Variants in LRRC49 observed in about 807,000 individuals in gnomAD.
LRRC49 encodes leucine rich repeat containing 49.
A neutral mutation model predicts 83.3 loss-of-function variants in LRRC49; 50 were observed. That is an observed-to-expected ratio of 0.60 (90% CI 0.48 to 0.76). The LOEUF is 0.76. Ranked by LOEUF, LRRC49 falls within the 30% of genes least tolerant of loss-of-function variation. The pLI, the probability that LRRC49 is intolerant of heterozygous loss-of-function variation, is 0.00. For missense variants in LRRC49, 704 were observed against 809.1 expected (o/e 0.87, Z 1.58); for synonymous variants, 286 against 283.3 (o/e 1.01, Z -0.10).
At chr15:70,898,502 C>G in intron 3 of LRRC49, 2 of 682,934 alleles carry the variant, frequency 2.9e-6, no homozygotes, top group Non-Finnish European at 5.3e-6. Context: ...AGGCCGGTTG[C>G]TATGGCTCAT....
In LRRC49 at chr15:70,885,228, G is replaced by A. The variant is rs554152983; in HGVS notation, c.19-8356G>A. 3.9e-5 allele frequency among the ~76,000 whole-genome samples: 6 copies of A among 152,124 alleles called. 1 individual carries two copies. The South Asian group carries it at 1.2e-3, about 32-fold the overall frequency. ...AGAACAAGGCAGAAAGAGACAAAAG[G>A]AAAATAGAAAATACAGAAAATGTCA... On this transcript the variant is annotated intron_variant, in intron 2 of 16. Coordinates refer to the LRRC49 transcript ENST00000544974.
chr15:70,969,753 G>C (rs1023310856), intron 9 of LRRC49, among the ~76,000 whole-genome samples: 3 of 152,080 alleles, frequency 2.0e-5, no homozygotes, highest in African/African-American at 7.2e-5. Context: ...ATTGTGAATG[G>C]GAGTTTGCTC....
chr15:71,001,808 C>T (rs900028304), intron 11 of LRRC49, among the ~76,000 whole-genome samples: 3 of 152,118 alleles, frequency 2.0e-5, no homozygotes, highest in African/African-American at 7.2e-5. Flanking sequence ...TCTCCTGCCT[C>T]AGCCTCCTGA....
chr15:70,910,256 A>C (rs539960295), intron 5 of LRRC49, among the ~76,000 whole-genome samples: 2 of 152,288 alleles, frequency 1.3e-5, no homozygotes, highest in East Asian at 3.9e-4. Flanking sequence ...TGGTAGTAAA[A>C]TTCTTGATTT....
chr15:71,011,638 A>T (rs1009955517), intron 13 of LRRC49, among the ~76,000 whole-genome samples: 23 of 152,138 alleles, frequency 1.5e-4, no homozygotes, highest in African/African-American at 5.6e-4. Flanking sequence ...CTTGAGGTAG[A>T]ATTAAATTGA....
chr15:70,939,483 G>A (rs1192366888), intron 8 of LRRC49, among the ~76,000 whole-genome samples: 4 of 152,086 alleles, frequency 2.6e-5, no homozygotes, highest in Non-Finnish European at 5.9e-5. Context: ...AGTTCTCTTG[G>A]CAGTTGTTTT....
chr15:70,899,245 T>A (rs1326631376), intron 3 of LRRC49, among the ~76,000 whole-genome samples: 7 of 152,216 alleles, frequency 4.6e-5, no homozygotes, highest in African/African-American at 7.2e-5. Context: ...ACAAAATCAT[T>A]CAGAAAACCT....
intron 11 of LRRC49, among the ~76,000 whole-genome samples, chr15:70,998,934 C>T (rs1250612585): frequency 6.6e-6 from 1 of 152,118 alleles, no homozygotes; most frequent in African/African-American, 2.4e-5. Context: ...TCTAAGTTTA[C>T]TGATTCTTTC....
chr15:70,892,563 G>A (rs12443199), upstream of LRRC49: 160,814 of 1,491,002 alleles, frequency 0.11, 9,767 homozygotes, highest in Admixed American at 0.25. Flanking sequence ...GCCGTAAAGA[G>A]GAACGGACCG....
At chr15:71,039,165 A>G (rs561116934) in intron 15 of LRRC49, among the ~76,000 whole-genome samples, 1 of 152,294 alleles carries the variant, frequency 6.6e-6, no homozygotes, top group East Asian at 1.9e-4. Context: ...GAAGTATAAA[A>G]CATGTAAGGA....
upstream of LRRC49, among the ~76,000 whole-genome samples, chr15:70,890,325 G>A (rs990405342): frequency 1.3e-5 from 2 of 152,200 alleles, no homozygotes; most frequent in Non-Finnish European, 1.5e-5. Flanking sequence ...GATGGTTCAA[G>A]GAAAGGACAG....
intron 8 of LRRC49, among the ~76,000 whole-genome samples, chr15:70,963,313 C>T (rs1253361277): frequency 2.6e-5 from 4 of 151,298 alleles, no homozygotes; most frequent in Non-Finnish European, 5.9e-5. Context: ...TATCTTAACC[C>T]CCATCTAATC....
In LRRC49 at chr15:71,032,481, A is replaced by G. The variant is rs181648154; in HGVS notation, c.1704-4698A>G. Among the ~76,000 whole-genome samples the G allele has an allele frequency of 3.3e-3, 498 of 152,224 alleles. 3 individuals are homozygous for G. Among genetic ancestry groups the G allele is most frequent in the African/African-American group, 0.012 (489 of 41,540 alleles). On this transcript the variant is annotated intron_variant, in intron 14 of 15. Coordinates refer to ENST00000260382, the MANE Select transcript of LRRC49 (RefSeq NM_017691.5). Reference sequence around the variant, plus strand: ...CTTCCAAAACTATTCCAAACAATTGAAAAGGAGGGACTTCTCCCTATCTCA... The same window carrying G: ...CTTCCAAAACTATTCCAAACAATTGGAAAGGAGGGACTTCTCCCTATCTCA...
In LRRC49 at chr15:70,975,625, C is replaced by G. The variant is rs117370894; in HGVS notation, c.922-4476C>G. Among the ~76,000 whole-genome samples, 393 of 152,140 alleles carry G rather than the reference C, an allele frequency of 2.6e-3. 13 individuals carry two copies. In the East Asian group the frequency reaches 0.064, roughly 25 times the overall value. Reference sequence around the variant, plus strand: ...GGAGGATCGCTTGAACCCAGGAGGTCAAAGCTGCAGTGAGCCAAGATCTCG... The same window carrying G: ...GGAGGATCGCTTGAACCCAGGAGGTGAAAGCTGCAGTGAGCCAAGATCTCG... On this transcript the variant is annotated intron_variant, in intron 9 of 15. Transcript: ENST00000260382.
rs956361198 is a variant in LRRC49, at chr15:70,910,081, G to T, written c.501-1451G>T. ...GGAATAGGGTACAGATTCTGTCAGG[G>T]TGATGATGTGAGAGGAGACTGATGA... is the stretch of plus-strand genomic sequence containing the variant. On this transcript the variant is annotated intron_variant, in intron 5 of 15. Transcript: ENST00000260382. 5.9e-5 allele frequency among the ~76,000 whole-genome samples: 9 copies of T among 152,188 alleles called. No homozygotes were observed. The South Asian group carries it at 1.7e-3, about 28-fold the overall frequency.
intron 6 of LRRC49, among the ~76,000 whole-genome samples, chr15:70,913,664 A>G (rs2034643252): frequency 3.9e-5 from 6 of 152,226 alleles, no homozygotes; most frequent in Admixed American, 3.9e-4. Context: ...AGGGCTTTGT[A>G]TGCCAGGCAA....
chr15:70,902,249 T>C (rs745385111), intron 4 of LRRC49, among the ~76,000 whole-genome samples: 9 of 152,228 alleles, frequency 5.9e-5, no homozygotes, highest in Non-Finnish European at 1.0e-4. Context: ...TTCAGTTTCA[T>C]GTTACTTGAC....
intron 15 of LRRC49, among the ~76,000 whole-genome samples, chr15:71,041,089 A>T (rs962735573): frequency 3.3e-5 from 5 of 152,138 alleles, no homozygotes; most frequent in African/African-American, 7.2e-5. Context: ...CAACACCTTC[A>T]TTTCAGCTTT....
At chr15:70,992,669 G>A (rs1239312956) in intron 11 of LRRC49, among the ~76,000 whole-genome samples, 3 of 152,228 alleles carry the variant, frequency 2.0e-5, no homozygotes, top group Admixed American at 6.5e-5. Flanking sequence ...GTTTGCCTGG[G>A]TATCAGCAGC....
Sources: allele counts gnomAD v4.1 joint callset (sites outside exome capture counted in the v4.1 genomes callset), GRCh38; gene constraint gnomAD v4.1.1; transcripts MANE v1.5; gene names NCBI Gene and HGNC (gene_info 2026-07-23, HGNC 2026-07-21).